Variants in ZC2HC1A observed in about 807,000 individuals in gnomAD.
The protein encoded by ZC2HC1A is zinc finger C2HC domain-containing protein 1A.
Under a neutral mutation model 40.7 loss-of-function variants are expected in ZC2HC1A, and 28 were observed. The observed-to-expected ratio is 0.69, with a 90% confidence interval of 0.51 to 0.94. The LOEUF is 0.94. Among genes scored for constraint, ZC2HC1A ranks in the 40% least tolerant of loss-of-function variants. The pLI is 0.00. For missense variants in ZC2HC1A, 389 were observed against 386.3 expected (o/e 1.01, Z -0.06); for synonymous variants, 129 against 129.2 (o/e 1.00, Z 0.01).
chr8:78,716,498 A>G (rs1341680178), intron 8 of ZC2HC1A, among the ~76,000 whole-genome samples: 2 of 152,158 alleles, frequency 1.3e-5, no homozygotes, highest in Non-Finnish European at 2.9e-5. Flanking sequence ...ATTGCATCAC[A>G]ATAATTTAAT....
intron 3 of ZC2HC1A, among the ~76,000 whole-genome samples, chr8:78,684,079 C>T (rs1409272020): frequency 2.0e-5 from 3 of 152,180 alleles, no homozygotes; most frequent in Non-Finnish European, 4.4e-5. Flanking sequence ...ATTTTTCTGT[C>T]TTCTGAGCCC....
At chr8:78,683,996 G>T (rs1454920388) in intron 3 of ZC2HC1A, among the ~76,000 whole-genome samples, 1 of 152,148 alleles carries the variant, frequency 6.6e-6, no homozygotes, top group Non-Finnish European at 1.5e-5. Context: ...CCTGGACTTT[G>T]TTGTCCATAT....
At chr8:78,707,807 A>G (rs1373150754) in intron 7 of ZC2HC1A, among the ~76,000 whole-genome samples, 2 of 151,852 alleles carry the variant, frequency 1.3e-5, no homozygotes, top group Non-Finnish European at 2.9e-5. Flanking sequence ...TTAAATTAGA[A>G]CCATTCATAG....
At chr8:78,677,280 G>A (rs1358551207) in intron 2 of ZC2HC1A, among the ~76,000 whole-genome samples, 1 of 151,868 alleles carries the variant, frequency 6.6e-6, no homozygotes, top group Non-Finnish European at 1.5e-5. Context: ...GCTTATTGGA[G>A]GTCATTTAAG....
Position 78,686,491 on chromosome 8 carries a change from A to C in ZC2HC1A, c.235A>C (p.Asn79His). Residue 79 changes from asparagine (N) to histidine (H), a missense_variant, in exon 4 of 9, where the codon AAT becomes CAT. By Grantham distance (68) the Asn-to-His change is moderately conservative. Transcript: ENST00000263849. Reference sequence around the variant, plus strand: ...GCCAGAACCACCAAAGAAACCATCTAATTGGAGAAGGAAACATGAAGAATT... The same window carrying C: ...GCCAGAACCACCAAAGAAACCATCTCATTGGAGAAGGAAACATGAAGAATT... ...PRPEPPKKPS[N>H]WRRKHEEFIA... 1 of 1,530,706 alleles carries C rather than the reference A, an allele frequency of 6.5e-7. No homozygotes were observed. Among genetic ancestry groups the C allele is most frequent in the Non-Finnish European group, 8.8e-7 (1 of 1,138,256 alleles). 94.8% of individuals were successfully genotyped at this position (1,530,706 alleles called of 1,614,324 possible).
chr8:78,704,521 C>T (rs1436602339), intron 7 of ZC2HC1A, among the ~76,000 whole-genome samples: 3 of 151,930 alleles, frequency 2.0e-5, no homozygotes, highest in Admixed American at 2.0e-4. Flanking sequence ...TCTCTAGCTG[C>T]CTTTAACATT....
chr8:78,707,788 G>A (rs887587068), intron 7 of ZC2HC1A, among the ~76,000 whole-genome samples: 4 of 151,332 alleles, frequency 2.6e-5, no homozygotes, highest in Admixed American at 2.6e-4. Flanking sequence ...GGAACATTGT[G>A]TTACTGTATT....
chr8:78,674,899 T>C (rs1809530738), intron 1 of ZC2HC1A, among the ~76,000 whole-genome samples: 1 of 152,126 alleles, frequency 6.6e-6, no homozygotes, highest in Admixed American at 6.6e-5. Flanking sequence ...TAAAAGAATT[T>C]TAGCATCTCT....
intron 1 of ZC2HC1A, among the ~76,000 whole-genome samples, chr8:78,669,300 C>T (rs62517758): frequency 0.06 from 8,723 of 144,838 alleles, 301 homozygotes; most frequent in Middle Eastern, 0.082. Flanking sequence ...CTTATTTTCC[C>T]TGCTATGAAA....
At position 78,666,110 on chromosome 8, in the gene ZC2HC1A, C is replaced by T; in HGVS notation, c.-39C>T. 1.3e-6 allele frequency: 2 copies of T among 1,559,140 alleles called. No homozygotes were observed. Among genetic ancestry groups the T allele is most frequent in the Non-Finnish European group, 1.7e-6 (2 of 1,151,476 alleles). On this transcript the variant is annotated 5_prime_UTR_variant, in exon 1 of 9. Coordinates refer to ENST00000263849, the MANE Select transcript of ZC2HC1A (RefSeq NM_016010.3). The stretch of plus-strand genomic sequence containing the variant: ...AGCCAGAGCTGGGCGGTGGCGGGCG[C>T]TGCTGAAGGAGTCTCGCTGAGCTCG...
Position 78,689,463 on chromosome 8 carries a change from A to G in ZC2HC1A, c.504+90A>G, listed in dbSNP as rs780711857. Reference sequence around the variant, plus strand: ...TTTATGCTTTTCATGACATTAGACTATATTTTTCTCACCTGCTTTTATAGA... The same window carrying G: ...TTTATGCTTTTCATGACATTAGACTGTATTTTTCTCACCTGCTTTTATAGA... On this transcript the variant is annotated intron_variant, in intron 5 of 8. Coordinates refer to ENST00000263849, the MANE Select transcript of ZC2HC1A (RefSeq NM_016010.3). The G allele has an allele frequency of 9.6e-6, 12 of 1,252,864 alleles. No homozygotes were observed. The East Asian group carries it at 2.2e-4, about 23-fold the overall frequency. The allele number at this position is 1,252,864 out of a possible 1,614,324, so 77.6% of individuals were successfully genotyped here.
chr8:78,715,454 G>C (rs1463094936), intron 8 of ZC2HC1A, 126 bp downstream of exon 8: 1 of 842,648 alleles, frequency 1.2e-6, no homozygotes, highest in East Asian at 2.9e-5. Context: ...TTTTAATCTG[G>C]CTTTTAAGTT....
At chr8:78,678,786 C>A in intron 3 of ZC2HC1A, 107 bp downstream of exon 3, 1 of 602,016 alleles carries the variant, frequency 1.7e-6, no homozygotes. Context: ...TTATCTGCTA[C>A]ATTAAGATTA....
At chr8:78,675,754 A>C in intron 1 of ZC2HC1A, 33 bp from the exon 2 acceptor site, 6 of 1,491,854 alleles carry the variant, frequency 4.0e-6, no homozygotes, top group Non-Finnish European at 5.5e-6. Context: ...TTCAAGTTAT[A>C]TAAATTATTT....
At chr8:78,697,903 C>T (rs1810480629) in intron 6 of ZC2HC1A, among the ~76,000 whole-genome samples, 1 of 152,130 alleles carries the variant, frequency 6.6e-6, no homozygotes, top group African/African-American at 2.4e-5. Flanking sequence ...TAATCTCTAT[C>T]TCCTGAACTC....
rs371279216 is a variant in ZC2HC1A at position 78,666,108 on chromosome 8, C to A, written c.-41C>A. 1.3e-6 allele frequency: 2 copies of A among 1,557,962 alleles called. No individual in the cohort carries two copies. Among genetic ancestry groups the A allele is most frequent in the Non-Finnish European group, 8.7e-7 (1 of 1,150,978 alleles). On this transcript the variant is annotated 5_prime_UTR_variant, in exon 1 of 9. Coordinates refer to ENST00000263849, the MANE Select transcript of ZC2HC1A (RefSeq NM_016010.3). ...ACAGCCAGAGCTGGGCGGTGGCGGG[C>A]GCTGCTGAAGGAGTCTCGCTGAGCT...
In ZC2HC1A at chr8:78,715,544, G is replaced by A. The variant is rs553220483; in HGVS notation, c.812+216G>A. Among the ~76,000 whole-genome samples the A allele has an allele frequency of 3.3e-4, 50 of 152,238 alleles. 1 individual carries two copies. The highest frequency in any genetic ancestry group is 1.1e-3 in the African/African-American group (46 of 41,550). On this transcript the variant is annotated intron_variant, in intron 8 of 8. Coordinates refer to ENST00000263849, the MANE Select transcript of ZC2HC1A (RefSeq NM_016010.3). ...AACCCTTCTACATGCCACTAAGAAC[G>A]TATGTGATTTATGGGAGGAGGTCAA... is the stretch of plus-strand genomic sequence containing the variant.
chr8:78,685,586 A>C (rs1347571597), intron 3 of ZC2HC1A, among the ~76,000 whole-genome samples: 2 of 152,186 alleles, frequency 1.3e-5, no homozygotes, highest in Admixed American at 6.5e-5. Context: ...AAGGCCAATA[A>C]CTCAACAAAT....
intron 1 of ZC2HC1A, among the ~76,000 whole-genome samples, chr8:78,667,298 G>C (rs536883455): frequency 6.6e-6 from 1 of 152,292 alleles, no homozygotes; most frequent in East Asian, 1.9e-4. Context: ...GACAGCTGCA[G>C]TATGCTATGG....
Sources: gnomAD v4.1 joint callset for allele counts (sites outside exome capture counted in the v4.1 genomes callset) on GRCh38, gnomAD v4.1.1 for gene constraint, MANE v1.5 for transcripts, NCBI Gene and HGNC (gene_info 2026-07-23, HGNC 2026-07-21) for gene names.